The following C1QTNF7 variants were observed in gnomAD, a reference collection of about 807,000 sequenced individuals.
C1QTNF7 encodes C1q and TNF related 7.
C1QTNF7 carries 15 observed loss-of-function variants against 19.6 expected under a neutral mutation model. That is an observed-to-expected ratio of 0.76 (90% CI 0.51 to 1.18). The LOEUF is 1.18. Among genes scored for constraint, C1QTNF7 ranks in the 50% most tolerant of loss-of-function variants. C1QTNF7 has a pLI of 0.00. For missense variants in C1QTNF7, 324 were observed against 359.7 expected, an observed-to-expected ratio of 0.90 and a Z score of 0.80; for synonymous variants, 142 against 137.5, an observed-to-expected ratio of 1.03 and a Z score of -0.23.
At chr4:15,369,257 C>G (rs1717637897) in intron 1 of C1QTNF7, among the ~76,000 whole-genome samples, 2 of 152,162 alleles carry the variant, frequency 1.3e-5, no homozygotes, top group East Asian at 3.9e-4. Flanking sequence ...GAAAACAGCC[C>G]AGAATTAGGG....
At chr4:15,350,310 G>GGAA (rs1716884631) in intron 1 of C1QTNF7, among the ~76,000 whole-genome samples, 6 of 16,336 alleles carry the variant, frequency 3.7e-4, no homozygotes, top group Non-Finnish European at 5.6e-4. Context: ...AAGGAGGGAA[G>GGAA]GGAGGGAAGG....
intron 2 of C1QTNF7, among the ~76,000 whole-genome samples, chr4:15,438,898 C>T (rs1392103206): frequency 6.6e-6 from 1 of 152,120 alleles, no homozygotes; most frequent in African/African-American, 2.4e-5. Flanking sequence ...AGATGGTTTA[C>T]ATGGACGCAT....
At chr4:15,435,355 A>G (rs978859700) in intron 1 of C1QTNF7, among the ~76,000 whole-genome samples, 1 of 152,188 alleles carries the variant, frequency 6.6e-6, no homozygotes, top group Non-Finnish European at 1.5e-5. Context: ...GGTAAAAATA[A>G]TGTTGATGTT....
chr4:15,417,362 C>T (rs1719638852), intron 1 of C1QTNF7, among the ~76,000 whole-genome samples: 1 of 152,224 alleles, frequency 6.6e-6, no homozygotes, highest in Non-Finnish European at 1.5e-5. Flanking sequence ...AATCTGCTTT[C>T]TGTGTCTATG....
intron 1 of C1QTNF7, among the ~76,000 whole-genome samples, chr4:15,418,291 G>C (rs893134413): frequency 6.6e-6 from 1 of 151,900 alleles, no homozygotes; most frequent in Non-Finnish European, 1.5e-5. Context: ...CAAAGATCAT[G>C]TTCTCCTCTA....
intron 1 of C1QTNF7, among the ~76,000 whole-genome samples, chr4:15,431,742 G>T (rs1053990826): frequency 1.3e-5 from 2 of 151,888 alleles, no homozygotes; most frequent in African/African-American, 2.4e-5. Flanking sequence ...ATGTTTTTTG[G>T]GTTAAGCCCT....
At chr4:15,347,618 G>A (rs925562552) in intron 1 of C1QTNF7, among the ~76,000 whole-genome samples, 7 of 152,094 alleles carry the variant, frequency 4.6e-5, no homozygotes, top group African/African-American at 1.7e-4. Flanking sequence ...CTGAAGCCCT[G>A]TACTGAGAAA....
At chr4:15,401,205 G>T (rs1471388240) in intron 1 of C1QTNF7, among the ~76,000 whole-genome samples, 1 of 152,198 alleles carries the variant, frequency 6.6e-6, no homozygotes, top group East Asian at 1.9e-4. Context: ...CATTTTTGTT[G>T]TGTAGGGATA....
At chr4:15,434,168 C>CT (rs376003505) in intron 1 of C1QTNF7, among the ~76,000 whole-genome samples, 43 of 145,282 alleles carry the variant, frequency 3.0e-4, no homozygotes, top group African/African-American at 3.5e-4. Context: ...GTTCTCCTTG[C>CT]TTTTTTTTTT....
intron 1 of C1QTNF7, among the ~76,000 whole-genome samples, chr4:15,431,036 G>T (rs895276736): frequency 1.3e-5 from 2 of 148,740 alleles, no homozygotes; most frequent in Non-Finnish European, 1.5e-5. Flanking sequence ...GCCATTTGTA[G>T]ATTAAGATAG....
At chr4:15,374,449 G>A (rs1717851988) in intron 1 of C1QTNF7, 1 of 547,364 alleles carries the variant, frequency 1.8e-6, no homozygotes, top group African/African-American at 2.1e-5. Context: ...TTTGGGGAGC[G>A]AGCCAACAGA....
intron 1 of C1QTNF7, among the ~76,000 whole-genome samples, chr4:15,430,332 C>CCCAG (rs1712247046): frequency 6.6e-6 from 1 of 152,052 alleles, no homozygotes; most frequent in Non-Finnish European, 1.5e-5. Flanking sequence ...CTCTTGAAAC[C>CCCAG]CCAGCACTTT....
At chr4:15,369,301 C>T (rs534825264) in intron 1 of C1QTNF7, among the ~76,000 whole-genome samples, 3 of 152,190 alleles carry the variant, frequency 2.0e-5, no homozygotes, top group African/African-American at 7.2e-5. Context: ...GCAGGGAAAC[C>T]AGCATCACTT....
chr4:15,349,195 G>C (rs1716817926), intron 1 of C1QTNF7, among the ~76,000 whole-genome samples: 1 of 152,130 alleles, frequency 6.6e-6, no homozygotes, highest in Non-Finnish European at 1.5e-5. Context: ...GGGCAAACTG[G>C]GGTGACAATG....
At position 15,442,375 on chromosome 4, in the gene C1QTNF7, C is replaced by T; in HGVS notation, c.446C>T (p.Ala149Val). 6 of 1,614,152 alleles carry T rather than the reference C, an allele frequency of 3.7e-6. No individual in the cohort carries two copies. The highest frequency in any genetic ancestry group is 5.1e-6 in the Non-Finnish European group (6 of 1,180,030). The change falls in exon 3 of 3, where the codon GCC (alanine) becomes GTC (valine). Residue 149 changes from alanine to valine, a missense_variant. Ala to Val is a moderately conservative substitution (Grantham distance 64). Coordinates refer to ENST00000444304, the MANE Select transcript of C1QTNF7 (RefSeq NM_031911.5). Reference sequence around the variant, plus strand: ...TGTGGAAGCATCGTGCTCAAATCCGCCTTTTCTGTTGGCATCACAACCAGC... The same window carrying T: ...TGTGGAAGCATCGTGCTCAAATCCGTCTTTTCTGTTGGCATCACAACCAGC... ...CRCGSIVLKSAFSVGITTSYP... is the reference protein window; with the variant it reads ...CRCGSIVLKSVFSVGITTSYP...
chr4:15,412,722 C>T (rs1719449858), intron 1 of C1QTNF7, among the ~76,000 whole-genome samples: 5 of 152,188 alleles, frequency 3.3e-5, no homozygotes, highest in Non-Finnish European at 7.3e-5. Flanking sequence ...CAGCTCACCA[C>T]ACCTGGAAAG....
At chr4:15,386,624 T>C (rs74782779) in intron 1 of C1QTNF7, among the ~76,000 whole-genome samples, 3,715 of 152,242 alleles carry the variant, frequency 0.024, 93 homozygotes, top group Non-Finnish European at 0.036. Flanking sequence ...AGAGGCTTCA[T>C]GGGCAAAGTG....
At chr4:15,353,527 G>C (rs1039216731) in intron 1 of C1QTNF7, among the ~76,000 whole-genome samples, 2 of 152,142 alleles carry the variant, frequency 1.3e-5, no homozygotes, top group African/African-American at 4.8e-5. Context: ...GACCAAATCG[G>C]TCCAGGGAGC....
intron 1 of C1QTNF7, among the ~76,000 whole-genome samples, chr4:15,417,970 A>G (rs1201774001): frequency 6.6e-6 from 1 of 152,062 alleles, no homozygotes; most frequent in African/African-American, 2.4e-5. Flanking sequence ...ATCCATCCCC[A>G]TGACCCAAAC....
Sources: allele counts gnomAD v4.1 joint callset (sites outside exome capture counted in the v4.1 genomes callset), GRCh38; gene constraint gnomAD v4.1.1; transcripts MANE v1.5; gene names NCBI Gene and HGNC (gene_info 2026-07-23, HGNC 2026-07-21).